Variants in KCNAB1 observed in about 807,000 individuals in gnomAD.
KCNAB1 encodes the protein voltage-gated potassium channel subunit beta-1.
In KCNAB1, 35 loss-of-function variants were observed where a neutral mutation model predicts 64.6. The ratio of observed to expected loss-of-function variants is 0.54; its 90% CI spans 0.41 to 0.72. The LOEUF (loss-of-function observed/expected upper bound fraction) is 0.72. KCNAB1 is among the 30% of genes least tolerant of loss of function. The probability of loss-of-function intolerance (pLI) is 0.00; values close to 1 mark genes in which losing one functional copy is unlikely to be tolerated. For synonymous variants in KCNAB1, 177 were observed against 183.8 expected (o/e 0.96, Z 0.30); for missense variants, 401 against 512.9 (o/e 0.78, Z 2.11).
chr3:156,296,131 T>C (rs1720761658), intron 1 of KCNAB1, among the ~76,000 whole-genome samples: 1 of 152,222 alleles, frequency 6.6e-6, no homozygotes, highest in Non-Finnish European at 1.5e-5. Flanking sequence ...TCTACAACCA[T>C]ACATGATAGA....
chr3:156,498,163 A>C (rs1716132667), intron 8 of KCNAB1, among the ~76,000 whole-genome samples: 2 of 152,174 alleles, frequency 1.3e-5, no homozygotes, highest in African/African-American at 4.8e-5. Context: ...AGTGCCCCCA[A>C]AGAAACCAGC....
chr3:156,259,567 A>G (rs1718306991), intron 1 of KCNAB1, among the ~76,000 whole-genome samples: 1 of 152,200 alleles, frequency 6.6e-6, no homozygotes, highest in African/African-American at 2.4e-5. Context: ...AAGGTAACCC[A>G]TCCATTACCG....
intron 5 of KCNAB1, among the ~76,000 whole-genome samples, chr3:156,462,391 G>A (rs2108296920): frequency 6.6e-6 from 1 of 152,314 alleles, no homozygotes; most frequent in African/African-American, 2.4e-5. Flanking sequence ...TTTGTTGAAG[G>A]TTGAAAGTGC....
At chr3:156,334,685 C>T (rs906002489) in intron 1 of KCNAB1, among the ~76,000 whole-genome samples, 7 of 151,994 alleles carry the variant, frequency 4.6e-5, no homozygotes, top group South Asian at 2.1e-4. Flanking sequence ...TATTTTTTTC[C>T]ACTTAAGTTT....
intron 1 of KCNAB1, among the ~76,000 whole-genome samples, chr3:156,230,512 T>C (rs1417240854): frequency 6.6e-6 from 1 of 152,184 alleles, no homozygotes; most frequent in Non-Finnish European, 1.5e-5. Context: ...CTAAGCAACA[T>C]ATGGCTGCAT....
intron 12 of KCNAB1, 24 bp downstream of exon 12, chr3:156,523,971 G>T (rs1718124646): frequency 6.2e-7 from 1 of 1,607,148 alleles, no homozygotes; most frequent in South Asian, 1.1e-5. Flanking sequence ...TAAGCTATGG[G>T]GTGGTAGAGG....
intron 1 of KCNAB1, among the ~76,000 whole-genome samples, chr3:156,366,693 G>A (rs1351584750): frequency 1.3e-5 from 2 of 152,186 alleles, no homozygotes. Context: ...AGCAAAGACT[G>A]CTGCATCACC....
intron 1 of KCNAB1, among the ~76,000 whole-genome samples, chr3:156,348,096 G>T (rs1724604530): frequency 6.6e-6 from 1 of 151,934 alleles, no homozygotes. Context: ...GAGATATGAA[G>T]GGAAAAAAAC....
chr3:156,250,408 C>T (rs1224432794), intron 1 of KCNAB1, among the ~76,000 whole-genome samples: 3 of 152,186 alleles, frequency 2.0e-5, no homozygotes, highest in Admixed American at 1.3e-4. Context: ...TTCTCCTCCT[C>T]CTCCTATCCC....
chr3:156,204,146 C>G (rs1714509205), intron 1 of KCNAB1, among the ~76,000 whole-genome samples: 1 of 152,236 alleles, frequency 6.6e-6, no homozygotes, highest in Admixed American at 6.5e-5. Flanking sequence ...GAAAGCTTCA[C>G]TTGTCCAAAA....
chr3:156,413,756 G>A (rs1714855035), intron 1 of KCNAB1, among the ~76,000 whole-genome samples: 1 of 152,194 alleles, frequency 6.6e-6, no homozygotes, highest in Non-Finnish European at 1.5e-5. Flanking sequence ...CACCCACTGT[G>A]AGCATCACTG....
chr3:156,341,468 T>C (rs918881224), intron 1 of KCNAB1, among the ~76,000 whole-genome samples: 3 of 152,208 alleles, frequency 2.0e-5, no homozygotes, highest in African/African-American at 7.2e-5. Flanking sequence ...GCCTGACACA[T>C]GTCATTCAAC....
chr3:156,476,343 A>C (rs1249397179), intron 8 of KCNAB1, among the ~76,000 whole-genome samples: 1 of 151,944 alleles, frequency 6.6e-6, no homozygotes, highest in African/African-American at 2.4e-5. Context: ...TAGCATGCTT[A>C]TGTCTTTGTG....
chr3:156,233,700 G>GGGGAAGTATAGTGGAGACA (rs1448913760), intron 1 of KCNAB1, among the ~76,000 whole-genome samples: 4 of 152,226 alleles, frequency 2.6e-5, no homozygotes, highest in African/African-American at 9.6e-5. Context: ...GGCCCAGGCA[G>GGGGAAGTATAGTGGAGACA]GGGAAGTATA....
chr3:156,266,800 A>G lies in KCNAB1; in HGVS notation c.275+145914A>G, dbSNP rs1191909971. On this transcript the variant is annotated intron_variant, in intron 1 of 13. Transcript: ENST00000490337. ...CATCAGTCAGCAAAGCTCAGCGGTC[A>G]TATTCTGGATAGTCTGTCCCCAGAT... 4.6e-5 allele frequency among the ~76,000 whole-genome samples: 7 copies of G among 152,300 alleles called. No homozygotes were observed. In the East Asian group the frequency reaches 1.3e-3, roughly 29 times the overall value.
At position 156,219,699 on chromosome 3, in the gene KCNAB1, TTA is replaced by T. The variant is rs1715574969; in HGVS notation, c.275+98815_275+98816del. Among the ~76,000 whole-genome samples the T allele has an allele frequency of 9.8e-4, 17 of 17,304 alleles. 1 individual carries two copies. Among genetic ancestry groups the T allele is most frequent in the African/African-American group, 5.9e-3 (17 of 2,864 alleles). 11.4% of individuals were successfully genotyped at this position (17,304 alleles called of 152,430 possible). The stretch of plus-strand genomic sequence containing the variant: ...AAAAGCGAAGGAAGGAATCTTTTTA[TTA>T]TTATTATTATTATTATTATTATTAT... On this transcript the variant is annotated intron_variant, in intron 1 of 13. Coordinates refer to ENST00000490337, the MANE Select transcript of KCNAB1 (RefSeq NM_172160.3).
At chr3:156,419,582 T>C (rs1360059328) in intron 1 of KCNAB1, among the ~76,000 whole-genome samples, 3 of 152,022 alleles carry the variant, frequency 2.0e-5, no homozygotes, top group Non-Finnish European at 1.5e-5. Context: ...TGTCTTGCTC[T>C]ATAGAGTTTT....
chr3:156,510,548 T>A (rs1717137871), intron 8 of KCNAB1, among the ~76,000 whole-genome samples: 3 of 152,166 alleles, frequency 2.0e-5, no homozygotes, highest in African/African-American at 7.2e-5. Flanking sequence ...GAATATCCCT[T>A]CAGCTCCTGT....
At chr3:156,326,034 C>T (rs541574253) in intron 1 of KCNAB1, among the ~76,000 whole-genome samples, 1 of 152,202 alleles carries the variant, frequency 6.6e-6, no homozygotes, top group South Asian at 2.1e-4. Context: ...AGAGTGGATA[C>T]TAGGCAGCTC....
Sources: allele counts gnomAD v4.1 joint callset (sites outside exome capture counted in the v4.1 genomes callset), GRCh38; gene constraint gnomAD v4.1.1; transcripts MANE v1.5; gene names NCBI Gene and HGNC (gene_info 2026-07-23, HGNC 2026-07-21).